The following MYO1E variants were observed in gnomAD, a reference collection of about 807,000 sequenced individuals.
MYO1E encodes unconventional myosin-Ie.
MYO1E carries 68 observed loss-of-function variants against 151.1 expected under a neutral mutation model. The ratio of observed to expected loss-of-function variants is 0.45; its 90% CI spans 0.37 to 0.55. The LOEUF (loss-of-function observed/expected upper bound fraction) is 0.55, where lower values mean the gene tolerates loss of function less well. Among genes scored for constraint, MYO1E ranks in the 20% least tolerant of loss-of-function variants. MYO1E has a pLI of 0.00. For synonymous variants in MYO1E, 601 were observed against 501.7 expected (o/e 1.20, Z -2.64); for missense variants, 1,363 against 1,389.3 (o/e 0.98, Z 0.30).
intron 26 of MYO1E, among the ~76,000 whole-genome samples, chr15:59,147,196 A>G (rs2079446264): frequency 6.6e-6 from 1 of 152,238 alleles, no homozygotes; most frequent in African/African-American, 2.4e-5. Context: ...ACCCCAAATG[A>G]CATGAAAACT....
chr15:59,321,371 C>T (rs1009349474), intron 1 of MYO1E, among the ~76,000 whole-genome samples: 1 of 152,210 alleles, frequency 6.6e-6, no homozygotes, highest in Non-Finnish European at 1.5e-5. Context: ...ACCAAAACGA[C>T]ACATGTACTT....
chr15:59,162,377 C>T (rs993209012), intron 23 of MYO1E, among the ~76,000 whole-genome samples: 3 of 152,128 alleles, frequency 2.0e-5, no homozygotes, highest in African/African-American at 7.2e-5. Flanking sequence ...GGCATGGTGG[C>T]TCAAGCCTGT....
intron 10 of MYO1E, among the ~76,000 whole-genome samples, chr15:59,216,369 G>A (rs969776266): frequency 6.6e-6 from 1 of 151,784 alleles, no homozygotes; most frequent in Non-Finnish European, 1.5e-5. Context: ...AGAATTAAGT[G>A]AGGGTTTTTT....
rs71119452 is a variant in MYO1E at position 59,277,564 on chromosome 15, A to ACAAAAAAAAAC, written c.4-5116_4-5115insGTTTTTTTTTG. Among the ~76,000 whole-genome samples, 75 of 139,848 alleles carry ACAAAAAAAAAC rather than the reference A, an allele frequency of 5.4e-4. No homozygotes were observed. The East Asian group carries it at 0.01, about 19-fold the overall frequency. 91.7% of individuals were successfully genotyped at this position (139,848 alleles called of 152,430 possible). On this transcript the variant is annotated intron_variant, in intron 1 of 27. Coordinates refer to ENST00000288235, the MANE Select transcript of MYO1E (RefSeq NM_004998.4). ...ATCCCCCCACAAAAAAAAAAAAAAA[A>ACAAAAAAAAAC]AAAAAAAAACATCAAAGCCTCATCC...
At chr15:59,257,825 T>C (rs7173578) in intron 3 of MYO1E, among the ~76,000 whole-genome samples, 149,026 of 152,290 alleles carry the variant, frequency 0.98, 73,001 homozygotes, top group East Asian at 1. Flanking sequence ...ACCTTATGGT[T>C]AGGAGTGGAT....
Position 59,172,021 on chromosome 15 carries a change from G to T in MYO1E, c.2356C>A (p.Leu786Ile). Residue 786 changes from leucine to isoleucine, a missense_variant, in exon 22 of 28, where the codon CTT becomes ATT. By Grantham distance (5) the Leu-to-Ile change is conservative (BLOSUM62 2). Coordinates refer to ENST00000288235, the MANE Select transcript of MYO1E (RefSeq NM_004998.4). ...RFKGVKRDLLLTPKCLYLIGR... is the reference protein window; with the variant it reads ...RFKGVKRDLLITPKCLYLIGR... ...ATTAAGTACAAGCACTTTGGGGTAAGGAGCAGGTCTCGCTTTACACCCTGT... is the reference window on the plus strand; with the variant it reads ...ATTAAGTACAAGCACTTTGGGGTAATGAGCAGGTCTCGCTTTACACCCTGT... 6.2e-7 allele frequency: 1 copy of T among 1,614,176 alleles called. No individual in the cohort carries two copies. Among genetic ancestry groups the T allele is most frequent in the Non-Finnish European group, 8.5e-7 (1 of 1,180,036 alleles).
intron 1 of MYO1E, among the ~76,000 whole-genome samples, chr15:59,281,658 C>T (rs2080353999): frequency 6.6e-6 from 1 of 152,112 alleles, no homozygotes; most frequent in Non-Finnish European, 1.5e-5. Flanking sequence ...AACAAGTTTC[C>T]TATAACCACA....
chr15:59,163,860 A>G (rs1295822444), intron 22 of MYO1E, among the ~76,000 whole-genome samples: 2 of 152,260 alleles, frequency 1.3e-5, no homozygotes, highest in South Asian at 2.1e-4. Flanking sequence ...GCCAGGAGCT[A>G]CTAGAACGTA....
intron 4 of MYO1E, among the ~76,000 whole-genome samples, chr15:59,237,829 T>C (rs1375657375): frequency 1.3e-5 from 2 of 152,148 alleles, no homozygotes; most frequent in Non-Finnish European, 2.9e-5. Context: ...ATTTTACATT[T>C]CAAAACAAAA....
At chr15:59,247,209 A>C (rs1215702859) in intron 4 of MYO1E, among the ~76,000 whole-genome samples, 2 of 152,168 alleles carry the variant, frequency 1.3e-5, no homozygotes, top group African/African-American at 4.8e-5. Context: ...AACTAAAATA[A>C]AAAAGCACCT....
intron 1 of MYO1E, among the ~76,000 whole-genome samples, chr15:59,315,660 A>AT (rs2080583944): frequency 6.6e-6 from 1 of 152,122 alleles, no homozygotes; most frequent in Non-Finnish European, 1.5e-5. Flanking sequence ...CATGATACTT[A>AT]TATCACTTCA....
intron 1 of MYO1E, 110 bp downstream of exon 1, chr15:59,372,388 A>T (rs1596448180): frequency 2.2e-6 from 3 of 1,358,314 alleles, no homozygotes; most frequent in South Asian, 1.3e-5. Flanking sequence ...TCCCGCGTCC[A>T]CCTTCTCCAC....
intron 12 of MYO1E, among the ~76,000 whole-genome samples, chr15:59,210,929 C>T (rs1191977929): frequency 2.0e-5 from 3 of 152,080 alleles, no homozygotes; most frequent in East Asian, 3.8e-4. Context: ...GGACTGGGCG[C>T]GGTGGCTCAC....
At chr15:59,300,771 A>C (rs973851194) in intron 1 of MYO1E, among the ~76,000 whole-genome samples, 4 of 152,104 alleles carry the variant, frequency 2.6e-5, no homozygotes, top group Non-Finnish European at 4.4e-5. Flanking sequence ...CTCACAGGCT[A>C]GCTCTAAGAA....
chr15:59,248,675 T>G (rs1011917584), intron 4 of MYO1E, among the ~76,000 whole-genome samples: 1 of 151,420 alleles, frequency 6.6e-6, no homozygotes, highest in East Asian at 1.9e-4. Flanking sequence ...TGAAAGGGGG[T>G]TGACTTACAG....
At chr15:59,287,799 C>T (rs533163101) in intron 1 of MYO1E, among the ~76,000 whole-genome samples, 98 of 152,286 alleles carry the variant, frequency 6.4e-4, no homozygotes, top group South Asian at 2.3e-3. Flanking sequence ...GATAGGATGG[C>T]CTCCTGTCCA....
chr15:59,321,686 G>A (rs1389027335), intron 1 of MYO1E, among the ~76,000 whole-genome samples: 3 of 152,158 alleles, frequency 2.0e-5, no homozygotes, highest in African/African-American at 7.2e-5. Context: ...ACTAGAGGCA[G>A]GAGAGAGGGA....
chr15:59,178,349 G>T (rs140986420), intron 19 of MYO1E, 44 bp downstream of exon 19: 24,123 of 1,609,836 alleles, frequency 0.015, 226 homozygotes, highest in Non-Finnish European at 0.018. Flanking sequence ...GCTGGCGGGG[G>T]CCCCGCGGGA....
At chr15:59,261,793 G>T (rs1192853947) in intron 2 of MYO1E, among the ~76,000 whole-genome samples, 1 of 152,122 alleles carries the variant, frequency 6.6e-6, no homozygotes, top group Non-Finnish European at 1.5e-5. Context: ...GTACAGCAAG[G>T]AGAAAAGAAA....
Sources: gnomAD v4.1 joint callset for allele counts (sites outside exome capture counted in the v4.1 genomes callset) on GRCh38, gnomAD v4.1.1 for gene constraint, MANE v1.5 for transcripts, NCBI Gene and HGNC (gene_info 2026-07-23, HGNC 2026-07-21) for gene names.